COLGALT2: variants seen among roughly 807,000 people sequenced by gnomAD.
COLGALT2 encodes the protein procollagen galactosyltransferase 2.
Under a neutral mutation model 73.4 loss-of-function variants are expected in COLGALT2, and 49 were observed. The observed-to-expected ratio is 0.67, with a 90% confidence interval of 0.53 to 0.85. The LOEUF (loss-of-function observed/expected upper bound fraction) is 0.85, where lower values mean the gene tolerates loss of function less well. COLGALT2 is among the 40% of genes least tolerant of loss of function. COLGALT2 has a pLI of 0.00. For synonymous variants in COLGALT2, 295 were observed against 307.6 expected (o/e 0.96, Z 0.43); for missense variants, 722 against 790.2 (o/e 0.91, Z 1.03).
At chr1:184,024,184 C>T (rs1181960616) in intron 1 of COLGALT2, among the ~76,000 whole-genome samples, 3 of 151,948 alleles carry the variant, frequency 2.0e-5, no homozygotes, top group Non-Finnish European at 2.9e-5. Flanking sequence ...CTATGCAACC[C>T]TCATTGTACA....
intron 7 of COLGALT2, among the ~76,000 whole-genome samples, chr1:183,953,711 C>T (rs1670475130): frequency 6.6e-6 from 1 of 152,136 alleles, no homozygotes; most frequent in South Asian, 2.1e-4. Context: ...TCTCATTCTG[C>T]CCTTTGTGGA....
At position 183,938,616 on chromosome 1, in the gene COLGALT2, C is replaced by T. The variant is rs999515130; in HGVS notation, c.*145G>A. On this transcript the variant is annotated 3_prime_UTR_variant, in exon 12 of 12. Coordinates refer to ENST00000361927, the MANE Select transcript of COLGALT2 (RefSeq NM_015101.4). ...TCCATGGTCAAAAATATGTTAATTT[C>T]GATCTATCACACTAGATCACTTTGG... The T allele has an allele frequency of 7.7e-6, 11 of 1,429,810 alleles. No individual in the cohort carries two copies. Among genetic ancestry groups the T allele is most frequent in the South Asian group, 4.8e-5 (3 of 62,454 alleles). 88.6% of individuals were successfully genotyped at this position (1,429,810 alleles called of 1,614,324 possible). A position where few individuals can be genotyped will look rare whatever the true frequency, so the allele number is the denominator to read the frequency against.
rs768464661 is a variant in COLGALT2 at position 183,939,035 on chromosome 1, G to T, written c.1607C>A (p.Ala536Asp). 4 of 1,607,454 alleles carry T rather than the reference G, an allele frequency of 2.5e-6. No homozygotes were observed. The Admixed American group carries it at 5.0e-5, about 20-fold the overall frequency. The change falls in exon 12 of 12, where the codon GCC (alanine) becomes GAC (aspartate). Residue 536 changes from alanine to aspartate, a missense_variant and splice_region_variant. By Grantham distance (126) the Ala-to-Asp change is moderately radical. Transcript: ENST00000361927. The part of the protein sequence containing the change: ...LPVMYNKHPV[A>D]EYKEYYESRD... ...GGATTCATAATACTCCTTGTACTCG[G>T]CTCTGAAAACAAGAAGGTGGCCGGA...
At position 183,938,190 on chromosome 1, in the gene COLGALT2, G is replaced by A. The variant is rs1310604627; in HGVS notation, c.*571C>T. ...ATACCCACCCCTACTGGATAACAGGGACTAAGATTTTTTTTTTTTAAAAAA... is the reference window on the plus strand; with the variant it reads ...ATACCCACCCCTACTGGATAACAGGAACTAAGATTTTTTTTTTTTAAAAAA... On this transcript the variant is annotated 3_prime_UTR_variant, in exon 12 of 12. Transcript: ENST00000361927. The A allele has an allele frequency of 1.0e-6, 1 of 969,908 alleles. No homozygotes were observed. Among genetic ancestry groups the A allele is most frequent in the Non-Finnish European group, 1.2e-6 (1 of 824,246 alleles). 60.1% of individuals were successfully genotyped at this position (969,908 alleles called of 1,614,324 possible). A position where few individuals can be genotyped will look rare whatever the true frequency, so the allele number is the denominator to read the frequency against.
chr1:183,931,746 C>G (rs1669849745), downstream of COLGALT2, among the ~76,000 whole-genome samples: 1 of 148,166 alleles, frequency 6.7e-6, no homozygotes, highest in Non-Finnish European at 1.5e-5. Context: ...TTATGTGCTA[C>G]AGTTCCAATT....
chr1:184,000,405 T>C (rs1454834539), intron 1 of COLGALT2, among the ~76,000 whole-genome samples: 1 of 152,072 alleles, frequency 6.6e-6, no homozygotes, highest in Non-Finnish European at 1.5e-5. Context: ...GATGTGTATA[T>C]CTAACTTGAC....
At chr1:183,933,294 G>A (rs948299082), downstream of COLGALT2, among the ~76,000 whole-genome samples, 4 of 152,098 alleles carry the variant, frequency 2.6e-5, no homozygotes, top group Non-Finnish European at 5.9e-5. Flanking sequence ...CCCAGACTGT[G>A]CTCTGAGCAC....
At chr1:184,008,142 A>T (rs1379069658) in intron 1 of COLGALT2, among the ~76,000 whole-genome samples, 1 of 152,252 alleles carries the variant, frequency 6.6e-6, no homozygotes, top group Non-Finnish European at 1.5e-5. Context: ...CAGATGTGAT[A>T]CCAAAGACAC....
chr1:183,964,145 T>C, intron 5 of COLGALT2, 125 bp from the exon 6 acceptor site: 1 of 1,076,258 alleles, frequency 9.3e-7, no homozygotes, highest in Non-Finnish European at 1.3e-6. Flanking sequence ...AAGTGGTTGT[T>C]TCAGGTATGT....
intron 2 of COLGALT2, among the ~76,000 whole-genome samples, chr1:183,977,470 CAAA>C (rs71993168): frequency 3.9e-5 from 5 of 126,694 alleles, no homozygotes; most frequent in Non-Finnish European, 3.2e-5. Context: ...GACTCTGTCT[CAAA>C]AAAAAAAAAA....
chr1:183,932,884 T>C (rs1669875604), downstream of COLGALT2, among the ~76,000 whole-genome samples: 1 of 152,130 alleles, frequency 6.6e-6, no homozygotes. Flanking sequence ...GAAACTCTGC[T>C]CCCTGCTCCT....
chr1:183,988,331 C>G (rs1671541534), intron 1 of COLGALT2, among the ~76,000 whole-genome samples: 1 of 152,216 alleles, frequency 6.6e-6, no homozygotes, highest in African/African-American at 2.4e-5. Flanking sequence ...TACTGCTGCA[C>G]AAACTTTTTA....
intron 5 of COLGALT2, among the ~76,000 whole-genome samples, chr1:183,964,711 T>C (rs1670818034): frequency 6.6e-6 from 1 of 152,202 alleles, no homozygotes; most frequent in Non-Finnish European, 1.5e-5. Context: ...AAATTGTTCT[T>C]CATAGCCCCA....
chr1:183,988,414 T>C (rs1671543934), intron 1 of COLGALT2, among the ~76,000 whole-genome samples: 1 of 152,220 alleles, frequency 6.6e-6, no homozygotes, highest in Admixed American at 6.5e-5. Context: ...CAGTGGTTTT[T>C]AGTTGTGCAA....
chr1:184,030,927 C>T (rs990110898), intron 1 of COLGALT2, among the ~76,000 whole-genome samples: 1 of 152,194 alleles, frequency 6.6e-6, no homozygotes, highest in African/African-American at 2.4e-5. Context: ...GCTTTAGATG[C>T]CTCATCATGG....
intron 8 of COLGALT2, 92 bp from the exon 9 acceptor site, chr1:183,945,656 CT>C: frequency 7.0e-7 from 1 of 1,426,390 alleles, no homozygotes; most frequent in Non-Finnish European, 9.6e-7. Flanking sequence ...GCAAACACCC[CT>C]CCCCCACACA....
At chr1:183,950,979 C>T in intron 8 of COLGALT2, 28 bp downstream of exon 8, 1 of 1,502,034 alleles carries the variant, frequency 6.7e-7, no homozygotes, top group Non-Finnish European at 9.3e-7. Context: ...CCAATCACAT[C>T]TGCAATGGGA....
chr1:183,965,344 C>A (rs1670838185), intron 5 of COLGALT2, among the ~76,000 whole-genome samples: 1 of 152,158 alleles, frequency 6.6e-6, no homozygotes, highest in African/African-American at 2.4e-5. Flanking sequence ...TGATATGATA[C>A]CTATCCAAAT....
At chr1:184,009,445 A>C (rs1381321931) in intron 1 of COLGALT2, among the ~76,000 whole-genome samples, 1 of 152,222 alleles carries the variant, frequency 6.6e-6, no homozygotes, top group East Asian at 1.9e-4. Context: ...ATATTTGGTC[A>C]ATTATGCCAG....
Sources: allele counts gnomAD v4.1 joint callset (sites outside exome capture counted in the v4.1 genomes callset), GRCh38; gene constraint gnomAD v4.1.1; transcripts MANE v1.5; gene names NCBI Gene and HGNC (gene_info 2026-07-23, HGNC 2026-07-21).